Variants in AHNAK observed in about 807,000 individuals in gnomAD.
AHNAK encodes neuroblast differentiation-associated protein AHNAK.
In AHNAK, 23 loss-of-function variants were observed where a neutral mutation model predicts 37.8. The ratio of observed to expected loss-of-function variants is 0.61; its 90% CI spans 0.44 to 0.86. The LOEUF is 0.86. Ranked by LOEUF, AHNAK falls within the 40% of genes least tolerant of loss-of-function variation. The pLI is 0.00. For synonymous variants in AHNAK, 2,481 were observed against 2,636.3 expected (o/e 0.94, Z 1.80); for missense variants, 7,411 against 7,319.4 (o/e 1.01, Z -0.46).
rs189843882 is a variant in AHNAK at position 62,535,447 on chromosome 11, G to A, written c.155-257C>T. ...GTGGATCGCCTGAGGTCAGGAGTTC[G>A]AGACCAGCCTGACCAACATAGAAAA... On this transcript the variant is annotated intron_variant, in intron 3 of 4. Coordinates refer to ENST00000378024, the MANE Select transcript of AHNAK (RefSeq NM_001620.3). Among the ~76,000 whole-genome samples the A allele has an allele frequency of 2.5e-3, 377 of 152,072 alleles. 5 individuals carry two copies. The highest frequency in any genetic ancestry group is 0.02 in the Admixed American group (308 of 15,284).
intron 5 of AHNAK, among the ~76,000 whole-genome samples, chr11:62,462,836 A>G (rs1057343940): frequency 6.6e-6 from 1 of 152,188 alleles, no homozygotes; most frequent in African/African-American, 2.4e-5. Flanking sequence ...TAGTTTCAGA[A>G]GAGTTGGCTT....
intron 5 of AHNAK, among the ~76,000 whole-genome samples, chr11:62,439,064 GACAC>G: frequency 6.7e-6 from 1 of 149,896 alleles, no homozygotes; most frequent in Admixed American, 6.7e-5. Context: ...GAGAGGGATG[GACAC>G]CCATCCCTCT....
In AHNAK at chr11:62,535,135, C is replaced by T. The variant is rs773000738; in HGVS notation, c.210G>A (p.Val70=). ...GCCCCATGGTGTTCAGCAGCTGGGT[C>T]ACCTCACCCGACTGCAGGTTGTCAA... ...IYFDNLQSGE[V]TQLLNTMGHH... The change falls in exon 4 of 5, where the codon GTG becomes GTA. Residue 70 remains valine, a synonymous_variant. Transcript: ENST00000378024. 1.3e-5 allele frequency: 21 copies of T among 1,613,604 alleles called. No homozygotes were observed. The South Asian group carries it at 1.9e-4, about 14-fold the overall frequency.
intron 4 of AHNAK, among the ~76,000 whole-genome samples, chr11:62,509,105 T>A (rs1393973477): frequency 6.6e-6 from 1 of 152,132 alleles, no homozygotes; most frequent in Non-Finnish European, 1.5e-5. Context: ...GGACCCAATA[T>A]CACTTCTGTG....
chr11:62,484,988 C>T (rs1939360994), intron 5 of AHNAK, among the ~76,000 whole-genome samples: 1 of 152,112 alleles, frequency 6.6e-6, no homozygotes, highest in African/African-American at 2.4e-5. Flanking sequence ...GGGGTTTCTC[C>T]ATGTTGGCCA....
At chr11:62,447,815 C>A (rs1176937061) in intron 5 of AHNAK, among the ~76,000 whole-genome samples, 1 of 152,172 alleles carries the variant, frequency 6.6e-6, no homozygotes, top group African/African-American at 2.4e-5. Flanking sequence ...CAGTGAATAC[C>A]TGTCAGCACC....
chr11:62,464,954 T>G (rs1432871947), intron 5 of AHNAK, among the ~76,000 whole-genome samples: 2 of 152,234 alleles, frequency 1.3e-5, no homozygotes, highest in South Asian at 2.1e-4. Flanking sequence ...AAACAGCTCC[T>G]GGACAGACAC....
At chr11:62,515,245 G>A (rs149143639), downstream of AHNAK, among the ~76,000 whole-genome samples, 3,924 of 152,292 alleles carry the variant, frequency 0.026, 108 homozygotes, top group Admixed American at 0.043. Context: ...CTGGCCGGGC[G>A]CAGTGGCTCA....
chr11:62,481,087 TG>T (rs1368650553), intron 5 of AHNAK, among the ~76,000 whole-genome samples: 1,746 of 11,470 alleles, frequency 0.15, 13 homozygotes, highest in Non-Finnish European at 0.44. Context: ...TTTCTTTTTT[TG>T]GTTTTTTTTT....
rs752312718 is a variant in AHNAK, at chr11:62,524,729, C to T, written c.9688G>A (p.Gly3230Ser). 2 of 1,614,052 alleles carry T rather than the reference C, an allele frequency of 1.2e-6. No individual in the cohort carries two copies. Among genetic ancestry groups the T allele is most frequent in the East Asian group, 4.5e-5 (2 of 44,902 alleles). The change falls in exon 5 of 5, where the codon GGC (glycine) becomes AGC (serine). Residue 3230 changes from glycine (G) to serine (S), a missense_variant. By Grantham distance (56) the Gly-to-Ser change is moderately conservative. Transcript: ENST00000378024. ...TCCACCTCTCCTTTCATTTTAGGGC[C>T]TTTAAGATTGAGGTCCAAATCAGGC... ...SMPDLDLNLK[G>S]PKMKGEVDVS... is the part of the protein sequence containing the mutation.
chr11:62,530,458 G>A lies in AHNAK; in HGVS notation c.3959C>T (p.Ala1320Val), dbSNP rs538476931. The A allele has an allele frequency of 1.8e-5, 29 of 1,613,856 alleles. No individual in the cohort carries two copies. The South Asian group carries it at 2.6e-4, about 15-fold the overall frequency. ...KFKMPEMHFK[A>V]PKISMPDVDL... The stretch of plus-strand genomic sequence containing the variant: ...CACATCAGGCATGGAGATCTTGGGG[G>A]CCTTGAAGTGCATCTCAGGCATCTT... Residue 1320 changes from alanine to valine, a missense_variant, in exon 5 of 5, where the codon GCC (alanine) becomes GTC (valine). Ala to Val is a moderately conservative substitution (Grantham distance 64, BLOSUM62 0). Transcript: ENST00000378024.
At chr11:62,467,114 G>A (rs1247614961) in intron 5 of AHNAK, among the ~76,000 whole-genome samples, 1 of 151,692 alleles carries the variant, frequency 6.6e-6, no homozygotes, top group Non-Finnish European at 1.5e-5. Flanking sequence ...TGAGGTGGGA[G>A]GATCACTTGA....
intron 4 of AHNAK, among the ~76,000 whole-genome samples, chr11:62,502,791 T>A (rs939187893): frequency 6.6e-6 from 1 of 152,108 alleles, no homozygotes; most frequent in African/African-American, 2.4e-5. Context: ...AAAGCCTGCA[T>A]GAAAGCCAGG....
Position 62,480,952 on chromosome 11 carries a change from C to T in AHNAK, c.442+10780G>A, listed in dbSNP as rs138243208. Among the ~76,000 whole-genome samples the T allele has an allele frequency of 5.1e-3, 782 of 152,218 alleles. 6 individuals are homozygous for T. Among genetic ancestry groups the T allele is most frequent in the African/African-American group, 0.018 (742 of 41,530 alleles). ...TCAGTAAATAATGTCCTCGACCTTCCCCCAAAAGCCCAGAGGCTGCCTCCT... is the reference window on the plus strand; with the variant it reads ...TCAGTAAATAATGTCCTCGACCTTCTCCCAAAAGCCCAGAGGCTGCCTCCT... On this transcript the variant is annotated intron_variant, in intron 5 of 5. Transcript: ENST00000257247.
intron 5 of AHNAK, among the ~76,000 whole-genome samples, chr11:62,484,855 T>C (rs897252326): frequency 6.6e-6 from 1 of 152,186 alleles, no homozygotes; most frequent in African/African-American, 2.4e-5. Context: ...AATTGCGTGA[T>C]CTCAGCTCAC....
rs148226104 is a variant in AHNAK at position 62,449,536 on chromosome 11, G to A, written c.443-15645C>T. Among the ~76,000 whole-genome samples, 172 of 152,284 alleles carry A rather than the reference G, an allele frequency of 1.1e-3. 1 individual carries two copies. Among genetic ancestry groups the A allele is most frequent in the African/African-American group, 3.9e-3 (163 of 41,564 alleles). On this transcript the variant is annotated intron_variant, in intron 5 of 5. Coordinates refer to the AHNAK transcript ENST00000257247. ...TGCCCAGCTTATAACCACAGCAACC[G>A]GGGAGAGCAGGGGCAGAGGCTGGTA...
Position 62,521,811 on chromosome 11 carries a change from T to G in AHNAK, c.12606A>C (p.Lys4202Asn), listed in dbSNP as rs759939730. 89 of 1,613,540 alleles carry G rather than the reference T, an allele frequency of 5.5e-5. No homozygotes were observed. The highest frequency in any genetic ancestry group is 7.5e-5 in the Non-Finnish European group (89 of 1,179,922). Reference protein sequence around the residue: ...KMPKFSMPGFKGEGPDVDVNL... With the variant: ...KMPKFSMPGFNGEGPDVDVNL... Reference sequence around the variant, plus strand: ...TCACATCCACATCTGGGCCCTCTCCTTTGAAGCCAGGCATGCTGAACTTGG... The same window carrying G: ...TCACATCCACATCTGGGCCCTCTCCGTTGAAGCCAGGCATGCTGAACTTGG... The change falls in exon 5 of 5, where the codon AAA (lysine) becomes AAC (asparagine). Residue 4202 changes from lysine (K) to asparagine (N), a missense_variant. Lys to Asn is a moderately conservative substitution (Grantham distance 94). Transcript: ENST00000378024.
rs1940632090 is a variant in AHNAK, at chr11:62,529,250, G to C, written c.5167C>G (p.Pro1723Ala). ...PKMKMPKFSM[P>A]GFKAEGPEVD... ...TCAGGGCCCTCTGCTTTGAAGCCAG[G>C]CATACTGAACTTGGGCATTTTCATC... The change falls in exon 5 of 5, where the codon CCT (proline) becomes GCT (alanine). Residue 1723 changes from proline (P) to alanine (A), a missense_variant. Coordinates refer to ENST00000378024, the MANE Select transcript of AHNAK (RefSeq NM_001620.3). 2 of 1,614,174 alleles carry C rather than the reference G, an allele frequency of 1.2e-6. No homozygotes were observed. Among genetic ancestry groups the C allele is most frequent in the Admixed American group, 3.3e-5 (2 of 60,010 alleles).
chr11:62,530,010 A>G lies in AHNAK; in HGVS notation c.4407T>C (p.Tyr1469=), dbSNP rs770616400. 6.2e-7 allele frequency: 1 copy of G among 1,613,964 alleles called. No homozygotes were observed. Among genetic ancestry groups the G allele is most frequent in the Non-Finnish European group, 8.5e-7 (1 of 1,179,996 alleles). ...CTTCTACTTTTGGAACTGTTACATC[A>G]TAATCTCCTTTCATTTTAGGACCTT... ...HLKGPKMKGD[Y]DVTVPKVEGE... The change falls in exon 5 of 5, where the codon TAT becomes TAC. Residue 1469 remains tyrosine (Y), a synonymous_variant. Coordinates refer to ENST00000378024, the MANE Select transcript of AHNAK (RefSeq NM_001620.3).
Sources: gnomAD v4.1 joint callset for allele counts (sites outside exome capture counted in the v4.1 genomes callset) on GRCh38, gnomAD v4.1.1 for gene constraint, MANE v1.5 for transcripts, NCBI Gene and HGNC (gene_info 2026-07-23, HGNC 2026-07-21) for gene names.